The following LRP1 variants were observed in gnomAD, a reference collection of about 807,000 sequenced individuals.
LRP1 encodes LDL receptor related protein 1.
A neutral mutation model predicts 541.5 loss-of-function variants in LRP1; 51 were observed. The observed-to-expected ratio is 0.09, with a 90% confidence interval of 0.08 to 0.12. The LOEUF (loss-of-function observed/expected upper bound fraction) is 0.12, where lower values mean the gene tolerates loss of function less well. Ranked by LOEUF, LRP1 falls within the 10% of genes least tolerant of loss-of-function variation. The pLI is 1.00. For missense variants in LRP1, 3,878 were observed against 6,376.2 expected, an observed-to-expected ratio of 0.61 and a Z score of 13.34; for synonymous variants, 2,219 against 2,470.8, an observed-to-expected ratio of 0.90 and a Z score of 3.02.
chr12:57,202,544 C>CCCCCCCCCCCCCCCCCCCCCAA lies in LRP1; in HGVS notation c.10711+10_10711+11insCCCCCCCCCCCCCCCCCAACCC. 1.2e-6 allele frequency: 1 copy of CCCCCCCCCCCCCCCCCCCCCAA among 847,932 alleles called. No individual in the cohort carries two copies. Among genetic ancestry groups the CCCCCCCCCCCCCCCCCCCCCAA allele is most frequent in the Admixed American group, 2.3e-5 (1 of 43,894 alleles). 52.5% of individuals were successfully genotyped at this position (847,932 alleles called of 1,614,324 possible). Reference sequence around the variant, plus strand: ...TCCGATGAAGAGAGCTGCAGTACGTCCCCACCCACCCAGCCCCGCATGAGC... The same window carrying CCCCCCCCCCCCCCCCCCCCCAA: ...TCCGATGAAGAGAGCTGCAGTACGTCCCCCCCCCCCCCCCCCCCCCAACCCACCCACCCAGCCCCGCATGAGC... On this transcript the variant is annotated splice_region_variant and intron_variant, in intron 68 of 88. Coordinates refer to ENST00000243077, the MANE Select transcript of LRP1 (RefSeq NM_002332.3).
intron 60 of LRP1, 129 bp downstream of exon 60, chr12:57,198,799 C>A: frequency 2.1e-6 from 2 of 932,328 alleles, no homozygotes; most frequent in Non-Finnish European, 3.3e-6. Context: ...GAGGACACCA[C>A]TCACTGGGGT....
chr12:57,191,729 A>C, intron 44 of LRP1, among the ~76,000 whole-genome samples: 1 of 127,548 alleles, frequency 7.8e-6, no homozygotes, highest in African/African-American at 3.0e-5. Context: ...CACACCCCCC[A>C]CACACCACAT....
intron 6 of LRP1, among the ~76,000 whole-genome samples, chr12:57,150,594 C>A (rs933828962): frequency 1.3e-5 from 2 of 152,174 alleles, no homozygotes; most frequent in Non-Finnish European, 1.5e-5. Context: ...GAGGGCCCAC[C>A]TAGAGTCAGG....
rs773872972 is a variant in LRP1, at chr12:57,195,027, G to A, written c.8234G>A (p.Arg2745His). ...GCCCAGTTTGAGTGCCAGAACCATCGCTGCATCTCCAAGCAGTGGCTGTGT... is the reference window on the plus strand; with the variant it reads ...GCCCAGTTTGAGTGCCAGAACCATCACTGCATCTCCAAGCAGTGGCTGTGT... The part of the protein sequence containing the change: ...SEAQFECQNH[R>H]CISKQWLCDG... Residue 2745 changes from arginine (R) to histidine (H), a missense_variant, in exon 51 of 89, where the codon CGC becomes CAC. Physicochemically the swap from Arg to His is conservative, Grantham distance 29. This residue lies in a region of LRP1 where 1,100 missense variants were observed against 1,827.4 expected (regional missense o/e 0.60). Coordinates refer to ENST00000243077, the MANE Select transcript of LRP1 (RefSeq NM_002332.3). 3.7e-6 allele frequency: 6 copies of A among 1,614,004 alleles called. No individual in the cohort carries two copies. The highest frequency in any genetic ancestry group is 1.6e-4 in the Middle Eastern group (1 of 6,062).
chr12:57,131,310 G>A (rs77827402), intron 1 of LRP1, among the ~76,000 whole-genome samples: 10,636 of 152,140 alleles, frequency 0.07, 481 homozygotes, highest in African/African-American at 0.13. Context: ...CCCCACTAGC[G>A]ACAAAATTGA....
At chr12:57,192,036 CACATCACACACACACCACACAG>C (rs1437748951) in intron 44 of LRP1, among the ~76,000 whole-genome samples, 15 of 82,624 alleles carry the variant, frequency 1.8e-4, no homozygotes, top group South Asian at 4.7e-4. Flanking sequence ...ACCCACAACA[CACATCACACACACACCACACAG>C]CACACACACA....
In LRP1 at chr12:57,185,429, A is replaced by G; in HGVS notation, c.6464-102A>G. ...CTGGAGGGTCATTCAAGCTGGGAAT[A>G]CCGAGGCAGAGGGCAGAGCTTTCGC... On this transcript the variant is annotated intron_variant, in intron 40 of 88. Transcript: ENST00000243077. This position sits in a 1 kb window ranked among gnomAD's most constrained non-coding sequence, Gnocchi z 4.9. 7.0e-7 allele frequency: 1 copy of G among 1,429,148 alleles called. No homozygotes were observed. The highest frequency in any genetic ancestry group is 9.3e-7 in the Non-Finnish European group (1 of 1,074,884). 88.5% of individuals were successfully genotyped at this position (1,429,148 alleles called of 1,614,324 possible).
intron 44 of LRP1, among the ~76,000 whole-genome samples, chr12:57,192,440 G>T (rs982516849): frequency 1.3e-5 from 2 of 152,124 alleles, no homozygotes; most frequent in Non-Finnish European, 2.9e-5. Flanking sequence ...ACAGCCGAGA[G>T]CCTGGGTGCA....
In LRP1 at chr12:57,204,774, C is replaced by T. The variant is rs1255599491; in HGVS notation, c.11194+25C>T. The T allele has an allele frequency of 3.7e-6, 6 of 1,613,066 alleles. No homozygotes were observed. The highest frequency in any genetic ancestry group is 4.2e-6 in the Non-Finnish European group (5 of 1,179,538). ...GGTGAGCAGGGGGCCGACGAGAGGCCTGCAGGGGACGGGTAGTGCACAGTG... is the reference window on the plus strand; with the variant it reads ...GGTGAGCAGGGGGCCGACGAGAGGCTTGCAGGGGACGGGTAGTGCACAGTG... On this transcript the variant is annotated intron_variant, in intron 72 of 88. Coordinates refer to ENST00000243077, the MANE Select transcript of LRP1 (RefSeq NM_002332.3). This position sits in a 1 kb window ranked among gnomAD's most constrained non-coding sequence, Gnocchi z 5.3.
chr12:57,193,862 ACT>A (rs1285439925), intron 47 of LRP1, 35 bp from the exon 48 acceptor site: 80 of 1,602,284 alleles, frequency 5.0e-5, no homozygotes, highest in Non-Finnish European at 6.6e-5. Flanking sequence ...CACAGAGAAA[ACT>A]CTGGCCTGAC....
chr12:57,202,391 C>T, intron 67 of LRP1, 30 bp from the exon 68 acceptor site: 2 of 1,534,092 alleles, frequency 1.3e-6, no homozygotes, highest in South Asian at 2.2e-5. Flanking sequence ...CAGCCCTTTC[C>T]CTGACTGCCC....
At position 57,154,378 on chromosome 12, in the gene LRP1, T is replaced by G; in HGVS notation, c.1004+8T>G. ...CCTGGACCCTGCCATGGGGTGAGAG[T>G]GGCAGGCGGGGTTCTGGCCCTGGAA... On this transcript the variant is annotated splice_region_variant and intron_variant, in intron 7 of 88. Transcript: ENST00000243077. The surrounding 1 kb of genome is among the most constrained non-coding windows in gnomAD (Gnocchi z 4.6). 6.2e-7 allele frequency: 1 copy of G among 1,605,690 alleles called. No individual in the cohort carries two copies. The highest frequency in any genetic ancestry group is 8.5e-7 in the Non-Finnish European group (1 of 1,173,244).
intron 67 of LRP1, 51 bp from the exon 68 acceptor site, chr12:57,202,370 A>G (rs768391029): frequency 2.9e-6 from 4 of 1,384,980 alleles, no homozygotes; most frequent in Non-Finnish European, 4.1e-6. Context: ...CTTGGACCCT[A>G]ATGTCTGCCC....
chr12:57,166,567 A>G (rs1399145517), intron 17 of LRP1, among the ~76,000 whole-genome samples: 1 of 152,180 alleles, frequency 6.6e-6, no homozygotes, highest in Non-Finnish European at 1.5e-5. Flanking sequence ...CTCTAAAAAT[A>G]AAATGAAAGG....
Position 57,200,464 on chromosome 12 carries a change from G to A in LRP1, c.10037G>A (p.Cys3346Tyr). 1 of 1,587,478 alleles carries A rather than the reference G, an allele frequency of 6.3e-7. No individual in the cohort carries two copies. The highest frequency in any genetic ancestry group is 8.6e-7 in the Non-Finnish European group (1 of 1,163,556). Residue 3346 changes from cysteine to tyrosine, a missense_variant, in exon 63 of 89, where the codon TGC becomes TAC. Physicochemically the swap from Cys to Tyr is radical, Grantham distance 194 (BLOSUM62 -2). Coordinates refer to ENST00000243077, the MANE Select transcript of LRP1 (RefSeq NM_002332.3). ...ASQFVCKNDK[C>Y]IPFWWKCDTE... ...CAGTTTGTATGCAAGAACGACAAGTGCATCCCCTTCTGGTGGAAGTGTGAC... is the reference window on the plus strand; with the variant it reads ...CAGTTTGTATGCAAGAACGACAAGTACATCCCCTTCTGGTGGAAGTGTGAC...
intron 1 of LRP1, among the ~76,000 whole-genome samples, chr12:57,130,197 C>G (rs1023442538): frequency 6.6e-6 from 1 of 152,126 alleles, no homozygotes; most frequent in Admixed American, 6.5e-5. Context: ...CATCTTAGCC[C>G]TCTCATCCAA....
chr12:57,201,933 AG>A lies in LRP1; in HGVS notation c.10594+29del. On this transcript the variant is annotated intron_variant, in intron 67 of 88. Coordinates refer to ENST00000243077, the MANE Select transcript of LRP1 (RefSeq NM_002332.3). This position sits in a 1 kb window ranked among gnomAD's most constrained non-coding sequence, Gnocchi z 6.4. ...GAGCCGAGACCCCACTCCAGGAGGA[AG>A]ACAGTCTACCTGGGTGGGAGGCATG... 6.2e-7 allele frequency: 1 copy of A among 1,613,186 alleles called. No homozygotes were observed. Among genetic ancestry groups the A allele is most frequent in the Non-Finnish European group, 8.5e-7 (1 of 1,179,630 alleles).
chr12:57,159,918 G>A lies in LRP1; in HGVS notation c.1892G>A (p.Arg631Lys), dbSNP rs767504882. The change falls in exon 12 of 89, where the codon AGG (arginine) becomes AAG (lysine). Residue 631 changes from arginine (R) to lysine (K), a missense_variant. This residue lies in a region of LRP1 where 496 missense variants were observed against 861.0 expected (regional missense o/e 0.58). Coordinates refer to ENST00000243077, the MANE Select transcript of LRP1 (RefSeq NM_002332.3). ...DGPKKTISVA[R>K]LEKAAQTRKT... Reference sequence around the variant, plus strand: ...CCCAAAAAGACAATCAGCGTGGCCAGGCTGGAGAAAGCTGCTCAGACCCGC... The same window carrying A: ...CCCAAAAAGACAATCAGCGTGGCCAAGCTGGAGAAAGCTGCTCAGACCCGC... The A allele has an allele frequency of 6.2e-7, 1 of 1,614,182 alleles. No homozygotes were observed. Among genetic ancestry groups the A allele is most frequent in the Non-Finnish European group, 8.5e-7 (1 of 1,180,020 alleles).
chr12:57,145,241 C>T lies in LRP1; in HGVS notation c.592C>T (p.Pro198Ser). The T allele has an allele frequency of 1.2e-6, 2 of 1,614,146 alleles. No homozygotes were observed. The highest frequency in any genetic ancestry group is 1.7e-6 in the Non-Finnish European group (2 of 1,180,026). The change falls in exon 6 of 89, where the codon CCC becomes TCC. Residue 198 changes from proline (P) to serine (S), a missense_variant. Coordinates refer to ENST00000243077, the MANE Select transcript of LRP1 (RefSeq NM_002332.3). ...CCCATTCCCAGAGCCAGTAGACCGGCCCCCTGTGCTGTTGATAGCCAACTC... is the reference window on the plus strand; with the variant it reads ...CCCATTCCCAGAGCCAGTAGACCGGTCCCCTGTGCTGTTGATAGCCAACTC... ...CKAKNEPVDRPPVLLIANSQN... is the reference protein window; with the variant it reads ...CKAKNEPVDRSPVLLIANSQN...
Sources: allele counts gnomAD v4.1 joint callset (sites outside exome capture counted in the v4.1 genomes callset), GRCh38; gene constraint gnomAD v4.1.1; regional missense constraint gnomAD v4.1.1; non-coding constraint Gnocchi (gnomAD v3.1); transcripts MANE v1.5; gene names NCBI Gene and HGNC (gene_info 2026-07-23, HGNC 2026-07-21).